ABCC4: variants seen among roughly 807,000 people sequenced by gnomAD.
ABCC4 encodes the protein ATP-binding cassette sub-family C member 4.
A neutral mutation model predicts 168.5 loss-of-function variants in ABCC4; 102 were observed. That is an observed-to-expected ratio of 0.61 (90% CI 0.52 to 0.71). ABCC4 has a LOEUF of 0.71. Among genes scored for constraint, ABCC4 ranks in the 30% least tolerant of loss-of-function variants. The probability of loss-of-function intolerance (pLI) is 0.00; values close to 1 mark genes in which losing one functional copy is unlikely to be tolerated. For missense variants in ABCC4, 1,402 were observed against 1,605.8 expected, an observed-to-expected ratio of 0.87 and a Z score of 2.17; for synonymous variants, 617 against 590.7, an observed-to-expected ratio of 1.04 and a Z score of -0.65.
intron 29 of ABCC4, among the ~76,000 whole-genome samples, chr13:95,040,015 C>T (rs1041272949): frequency 7.9e-5 from 12 of 152,228 alleles, no homozygotes; most frequent in African/African-American, 2.2e-4. Context: ...AGTCATCTGA[C>T]GTTGGAGATT....
At chr13:95,115,874 G>A (rs2035359765) in intron 20 of ABCC4, 48 bp downstream of exon 20, 3 of 1,525,692 alleles carry the variant, frequency 2.0e-6, no homozygotes, top group African/African-American at 1.4e-5. Context: ...TGAAAAAATA[G>A]GAACTTCCGT....
chr13:95,272,075 G>C (rs1209395524), intron 1 of ABCC4, among the ~76,000 whole-genome samples: 1 of 149,288 alleles, frequency 6.7e-6, no homozygotes, highest in South Asian at 2.1e-4. Context: ...ACGAACTTTC[G>C]CTCTTGTTGC....
intron 7 of ABCC4, 127 bp from the exon 8 acceptor site, chr13:95,206,908 C>T (rs2038799397): frequency 1.9e-6 from 2 of 1,029,078 alleles, no homozygotes; most frequent in African/African-American, 3.2e-5. Flanking sequence ...TTGAGACCAT[C>T]CTGGGCAACA....
At chr13:95,121,639 G>A (rs2035574997) in intron 19 of ABCC4, among the ~76,000 whole-genome samples, 2 of 151,906 alleles carry the variant, frequency 1.3e-5, no homozygotes, top group Non-Finnish European at 2.9e-5. Context: ...AACTCTTGAG[G>A]CTCAAGCAAT....
At chr13:95,057,383 ATG>A in intron 26 of ABCC4, among the ~76,000 whole-genome samples, 1 of 152,154 alleles carries the variant, frequency 6.6e-6, no homozygotes, top group East Asian at 1.9e-4. Flanking sequence ...GGGACTACAG[ATG>A]CGCACCACCA....
At chr13:95,269,991 C>T (rs1038699014) in intron 1 of ABCC4, among the ~76,000 whole-genome samples, 12 of 152,280 alleles carry the variant, frequency 7.9e-5, no homozygotes, top group African/African-American at 2.6e-4. Context: ...TGTTGACAGA[C>T]TGGTATTCAG....
chr13:95,244,599 A>C (rs1265478143), intron 3 of ABCC4, among the ~76,000 whole-genome samples: 31 of 22,760 alleles, frequency 1.4e-3, no homozygotes, highest in South Asian at 3.3e-3. Flanking sequence ...AATAACATGA[A>C]AGAAAGAAAG....
intron 30 of ABCC4, among the ~76,000 whole-genome samples, chr13:95,024,540 AC>A (rs2031291688): frequency 1.3e-5 from 2 of 152,208 alleles, no homozygotes; most frequent in Admixed American, 1.3e-4. Flanking sequence ...CCGCACGTGG[AC>A]AAAGGAGAGC....
intron 1 of ABCC4, among the ~76,000 whole-genome samples, chr13:95,262,823 C>T (rs768073623): frequency 6.6e-6 from 1 of 151,986 alleles, no homozygotes; most frequent in Non-Finnish European, 1.5e-5. Flanking sequence ...TTAGTAGAGA[C>T]GAGGTTTCAC....
intron 8 of ABCC4, among the ~76,000 whole-genome samples, chr13:95,200,221 G>T (rs535457625): frequency 4.5e-4 from 69 of 152,318 alleles, no homozygotes; most frequent in Non-Finnish European, 8.5e-4. Context: ...CTAAGTGAAT[G>T]AATAAATTCC....
intron 26 of ABCC4, among the ~76,000 whole-genome samples, chr13:95,061,554 CTT>C (rs1458334922): frequency 6.6e-6 from 1 of 150,668 alleles, no homozygotes; most frequent in Non-Finnish European, 1.5e-5. Flanking sequence ...GGGTTTTGCT[CTT>C]GTCTCCTCTC....
intron 4 of ABCC4, among the ~76,000 whole-genome samples, chr13:95,220,033 T>C (rs1003508371): frequency 1.3e-5 from 2 of 151,804 alleles, no homozygotes; most frequent in Non-Finnish European, 2.9e-5. Flanking sequence ...TTTTTTTTTT[T>C]TTTTTTAGTT....
intron 4 of ABCC4, among the ~76,000 whole-genome samples, chr13:95,219,707 C>T (rs2039258404): frequency 1.3e-5 from 2 of 152,112 alleles, no homozygotes; most frequent in South Asian, 2.1e-4. Context: ...GAGGCAGAGA[C>T]AGAATCTCCC....
chr13:95,136,794 G>T (rs756774729), intron 19 of ABCC4, among the ~76,000 whole-genome samples: 1 of 152,198 alleles, frequency 6.6e-6, no homozygotes, highest in Non-Finnish European at 1.5e-5. Flanking sequence ...GATGCAACAA[G>T]TCCCTAGGAA....
In ABCC4 at chr13:95,021,471, G is replaced by A; in HGVS notation, c.*104C>T. ...ATTCAAATGAACTAGCATCTTGTAT[G>A]TATAAATATTTGTTGCCAAAGTAAA... On this transcript the variant is annotated 3_prime_UTR_variant, in exon 31 of 31. Transcript: ENST00000645237. 1 of 691,812 alleles carries A rather than the reference G, an allele frequency of 1.4e-6. No individual in the cohort carries two copies. Among genetic ancestry groups the A allele is most frequent in the Non-Finnish European group, 2.5e-6 (1 of 398,480 alleles). The allele number at this position is 691,812 out of a possible 1,614,324, so 42.9% of individuals were successfully genotyped here.
chr13:95,081,419 A>G (rs1037309609), intron 21 of ABCC4, among the ~76,000 whole-genome samples: 2 of 152,194 alleles, frequency 1.3e-5, no homozygotes, highest in African/African-American at 2.4e-5. Flanking sequence ...GGCCCAAACC[A>G]TAAAATGCCT....
intron 21 of ABCC4, among the ~76,000 whole-genome samples, chr13:95,079,346 G>A (rs1382128351): frequency 6.6e-6 from 1 of 152,216 alleles, no homozygotes; most frequent in African/African-American, 2.4e-5. Context: ...GGAACTGCAT[G>A]CAAAGATCTG....
intron 29 of ABCC4, among the ~76,000 whole-genome samples, chr13:95,042,228 C>T (rs2032392043): frequency 1.3e-5 from 2 of 152,196 alleles, no homozygotes; most frequent in East Asian, 1.9e-4. Context: ...ATAGTCAGGT[C>T]CCAAACAGAG....
intron 19 of ABCC4, among the ~76,000 whole-genome samples, chr13:95,158,879 G>A (rs778829420): frequency 4.6e-5 from 7 of 151,450 alleles, no homozygotes; most frequent in Admixed American, 1.3e-4. Context: ...AGACCAGCCC[G>A]GGTAACATAG....
Sources: gnomAD v4.1 joint callset for allele counts (sites outside exome capture counted in the v4.1 genomes callset) on GRCh38, gnomAD v4.1.1 for gene constraint, MANE v1.5 for transcripts, NCBI Gene and HGNC (gene_info 2026-07-23, HGNC 2026-07-21) for gene names.